The following TGFA variants were observed in gnomAD, a reference collection of about 807,000 sequenced individuals.
TGFA encodes the protein protransforming growth factor alpha.
TGFA carries 12 observed loss-of-function variants against 21.7 expected under a neutral mutation model. That is an observed-to-expected ratio of 0.55 (90% CI 0.35 to 0.90). TGFA has a LOEUF of 0.90. Among genes scored for constraint, TGFA ranks in the 40% least tolerant of loss-of-function variants. The probability of loss-of-function intolerance (pLI) is 0.01; values close to 1 mark genes in which losing one functional copy is unlikely to be tolerated. For synonymous variants in TGFA, 79 were observed against 88.1 expected (o/e 0.90, Z 0.58); for missense variants, 178 against 210.8 (o/e 0.84, Z 0.96).
intron 2 of TGFA, among the ~76,000 whole-genome samples, chr2:70,481,517 T>G (rs1220212231): frequency 6.6e-6 from 1 of 152,160 alleles, no homozygotes. Flanking sequence ...CCACCAAACC[T>G]CTGGGTCTTT....
intron 1 of TGFA, among the ~76,000 whole-genome samples, chr2:70,526,072 A>T (rs1427087494): frequency 6.6e-6 from 1 of 152,216 alleles, no homozygotes; most frequent in Non-Finnish European, 1.5e-5. Flanking sequence ...TTGTAGTCAC[A>T]TGAGCAGACA....
chr2:70,469,691 C>A (rs1670677126), intron 2 of TGFA, among the ~76,000 whole-genome samples: 1 of 152,214 alleles, frequency 6.6e-6, no homozygotes, highest in African/African-American at 2.4e-5. Context: ...TTGTGTTACA[C>A]AGAAGCAAAG....
At chr2:70,458,857 T>A (rs1670321054) in intron 3 of TGFA, among the ~76,000 whole-genome samples, 1 of 152,218 alleles carries the variant, frequency 6.6e-6, no homozygotes, top group Non-Finnish European at 1.5e-5. Context: ...GCCTTCTTGC[T>A]CTTGCAGGGC....
At chr2:70,540,477 T>C (rs1673102696) in intron 1 of TGFA, among the ~76,000 whole-genome samples, 1 of 152,162 alleles carries the variant, frequency 6.6e-6, no homozygotes, top group Non-Finnish European at 1.5e-5. Flanking sequence ...AACTGGATCA[T>C]TATTTGACAA....
chr2:70,483,907 T>A (rs781937615), intron 2 of TGFA, among the ~76,000 whole-genome samples: 7 of 152,240 alleles, frequency 4.6e-5, no homozygotes, highest in Admixed American at 1.3e-4. Context: ...ATCAGAGAAT[T>A]CCTTCTGCAG....
At chr2:70,504,479 T>TACACACACACAC (rs1361394841) in intron 2 of TGFA, among the ~76,000 whole-genome samples, 3 of 87,268 alleles carry the variant, frequency 3.4e-5, no homozygotes, top group Admixed American at 1.2e-4. Flanking sequence ...CATACATACA[T>TACACACACACAC]ACATACACAC....
intron 2 of TGFA, chr2:70,467,261 C>T (rs1329082632): frequency 2.0e-5 from 3 of 152,122 alleles, no homozygotes; most frequent in African/African-American, 4.8e-5. Context: ...GCAGCACAGT[C>T]AGTGTTGGGA....
chr2:70,456,497 G>GA lies in TGFA; in HGVS notation c.216-10dup, dbSNP rs782208163. 41 of 1,600,314 alleles carry GA rather than the reference G, an allele frequency of 2.6e-5. No individual in the cohort carries two copies. Among genetic ancestry groups the GA allele is most frequent in the East Asian group, 1.6e-4 (7 of 44,046 alleles). ...CGTACCCAGAATGGCAGCTGGGGAA[G>GA]AAAGGAACGTCAGTGCACTCTCCTG... On this transcript the variant is annotated splice_polypyrimidine_tract_variant and intron_variant, in intron 3 of 5. Coordinates refer to ENST00000295400, the MANE Select transcript of TGFA (RefSeq NM_003236.4).
intron 1 of TGFA, among the ~76,000 whole-genome samples, chr2:70,533,426 A>G (rs1339108449): frequency 6.6e-6 from 1 of 152,204 alleles, no homozygotes; most frequent in Non-Finnish European, 1.5e-5. Flanking sequence ...GCTGACCCAG[A>G]TGAAGATCAA....
rs1419279219 is a variant in TGFA, at chr2:70,449,797, G to A, written c.*1062C>T. On this transcript the variant is annotated 3_prime_UTR_variant, in exon 6 of 6. Transcript: ENST00000295400. Reference sequence around the variant, plus strand: ...ATTTGGCCTGAAATGCCTATGGCTCGTGGCTAATGTTCTATTTCTAAACAT... The same window carrying A: ...ATTTGGCCTGAAATGCCTATGGCTCATGGCTAATGTTCTATTTCTAAACAT... The A allele has an allele frequency of 5.7e-5, 11 of 192,158 alleles. No homozygotes were observed. The highest frequency in any genetic ancestry group is 1.1e-4 in the Non-Finnish European group (10 of 90,522). The allele number at this position is 192,158 out of a possible 1,614,324, so 11.9% of individuals were successfully genotyped here.
chr2:70,474,422 A>G (rs1445686724), intron 2 of TGFA, among the ~76,000 whole-genome samples: 7 of 152,260 alleles, frequency 4.6e-5, no homozygotes, highest in African/African-American at 1.7e-4. Context: ...TCACGCTGGC[A>G]GTGAGGAAGG....
Position 70,476,326 on chromosome 2 carries a change from G to A in TGFA, c.95-10590C>T, listed in dbSNP as rs552361981. On this transcript the variant is annotated intron_variant, in intron 2 of 5. Transcript: ENST00000295400. ...GTTCCATTCACAAGGTAAACAAGGA[G>A]GTTTATGTTTGGCTTTCATCAGCTG... Among the ~76,000 whole-genome samples the A allele has an allele frequency of 3.3e-5, 5 of 152,124 alleles. No individual in the cohort carries two copies. In the East Asian group the frequency reaches 5.8e-4, roughly 18 times the overall value.
intron 3 of TGFA, among the ~76,000 whole-genome samples, chr2:70,460,671 T>G (rs886721234): frequency 3.3e-5 from 5 of 152,290 alleles, no homozygotes; most frequent in Middle Eastern, 3.4e-3. Context: ...ATAACCTCTG[T>G]GCTCTGGGGG....
At chr2:70,518,488 A>G (rs970912097) in intron 1 of TGFA, among the ~76,000 whole-genome samples, 1 of 152,146 alleles carries the variant, frequency 6.6e-6, no homozygotes, top group Non-Finnish European at 1.5e-5. Context: ...CAAGGTAAAA[A>G]GGAGGCTCAC....
intron 1 of TGFA, among the ~76,000 whole-genome samples, chr2:70,544,189 G>A (rs538748858): frequency 4.1e-4 from 62 of 151,980 alleles, no homozygotes; most frequent in African/African-American, 1.4e-3. Context: ...TGTTAAATGC[G>A]CAAACATTAC....
chr2:70,524,425 A>T (rs1005350896), intron 1 of TGFA, among the ~76,000 whole-genome samples: 3 of 152,264 alleles, frequency 2.0e-5, no homozygotes, highest in Admixed American at 2.0e-4. Flanking sequence ...CCTCTTCCCC[A>T]GGCCTGCTCA....
chr2:70,550,835 C>CA (rs765520815), intron 1 of TGFA, among the ~76,000 whole-genome samples: 18 of 152,064 alleles, frequency 1.2e-4, no homozygotes, highest in South Asian at 8.3e-4. Flanking sequence ...AACAAAAAAC[C>CA]AAAAAAACAA....
In TGFA at chr2:70,449,210, A is replaced by G. The variant is rs1669977346; in HGVS notation, c.*1649T>C. ...ATAAAAAAAAATAAAGAGAAAATTC[A>G]TAGAAATTGTTCTTCCAGACCAAGG... On this transcript the variant is annotated 3_prime_UTR_variant, in exon 6 of 6. Transcript: ENST00000295400. 1 of 152,226 alleles carries G rather than the reference A, an allele frequency of 6.6e-6. No homozygotes were observed. Among genetic ancestry groups the G allele is most frequent in the Non-Finnish European group, 1.5e-5 (1 of 68,034 alleles). 9.4% of individuals were successfully genotyped at this position (152,226 alleles called of 1,614,324 possible).
chr2:70,499,962 G>T (rs1024084536), intron 2 of TGFA, among the ~76,000 whole-genome samples: 18 of 152,180 alleles, frequency 1.2e-4, no homozygotes, highest in Non-Finnish European at 1.8e-4. Context: ...GGATAAAAAG[G>T]TGAAATTGAT....
Sources: gnomAD v4.1 joint callset for allele counts (sites outside exome capture counted in the v4.1 genomes callset) on GRCh38, gnomAD v4.1.1 for gene constraint, MANE v1.5 for transcripts, NCBI Gene and HGNC (gene_info 2026-07-23, HGNC 2026-07-21) for gene names.